The following SYNE1 variants were observed in gnomAD, a reference collection of about 807,000 sequenced individuals.
The protein encoded by SYNE1 is spectrin repeat containing nuclear envelope protein 1.
A neutral mutation model predicts 1,111.0 loss-of-function variants in SYNE1; 616 were observed. The ratio of observed to expected loss-of-function variants is 0.55; its 90% CI spans 0.52 to 0.59. SYNE1 has a LOEUF of 0.59. Among genes scored for constraint, SYNE1 ranks in the 20% least tolerant of loss-of-function variants. The probability of loss-of-function intolerance (pLI) is 0.00; values close to 1 mark genes in which losing one functional copy is unlikely to be tolerated. For synonymous variants in SYNE1, 3,855 were observed against 3,825.8 expected (o/e 1.01, Z -0.28); for missense variants, 10,006 against 10,417.0 (o/e 0.96, Z 1.72).
intron 118 of SYNE1, 77 bp downstream of exon 118, chr6:152,221,349 T>C: frequency 6.5e-7 from 1 of 1,537,054 alleles, no homozygotes; most frequent in South Asian, 1.1e-5. Flanking sequence ...AAATTCAAAC[T>C]GTCATTGTTT....
intron 93 of SYNE1, among the ~76,000 whole-genome samples, chr6:152,300,278 T>C (rs558367236): frequency 9.2e-5 from 14 of 152,318 alleles, no homozygotes; most frequent in African/African-American, 3.4e-4. Context: ...ATGCATGTTA[T>C]AAAGCCATCG....
intron 96 of SYNE1, among the ~76,000 whole-genome samples, chr6:152,282,837 A>G (rs1277924252): frequency 2.6e-5 from 4 of 152,186 alleles, no homozygotes; most frequent in African/African-American, 9.6e-5. Flanking sequence ...CTTTTGCACA[A>G]ATCTAATATA....
chr6:152,446,556 C>T (rs2098594383), intron 29 of SYNE1, among the ~76,000 whole-genome samples: 1 of 152,112 alleles, frequency 6.6e-6, no homozygotes, highest in Admixed American at 6.6e-5. Flanking sequence ...TGAGAAATCT[C>T]TGTGGAGAAT....
chr6:152,392,712 A>T (rs214947), intron 51 of SYNE1, among the ~76,000 whole-genome samples: 1 of 151,928 alleles, frequency 6.6e-6, no homozygotes, highest in East Asian at 1.9e-4. Context: ...AAATAAAAAC[A>T]CCTACTCTAA....
intron 143 of SYNE1, among the ~76,000 whole-genome samples, chr6:152,132,457 T>C (rs1329661294): frequency 6.6e-6 from 1 of 152,246 alleles, no homozygotes; most frequent in African/African-American, 2.4e-5. Context: ...GATTTTGTTA[T>C]TGCTATGTTT....
At chr6:152,635,020 A>C (rs1043958937) in intron 2 of SYNE1, among the ~76,000 whole-genome samples, 1 of 152,198 alleles carries the variant, frequency 6.6e-6, no homozygotes, top group Non-Finnish European at 1.5e-5. Context: ...GGCTTCCTAC[A>C]TCCTGTGACA....
chr6:152,260,102 C>A (rs921650982), intron 101 of SYNE1, among the ~76,000 whole-genome samples: 3 of 152,144 alleles, frequency 2.0e-5, no homozygotes, highest in Middle Eastern at 3.4e-3. Context: ...CTGCAGATGC[C>A]GGACGAATCA....
chr6:152,221,195 T>C (rs1000400472), intron 118 of SYNE1, 149 bp from the exon 119 acceptor site: 12 of 1,106,878 alleles, frequency 1.1e-5, no homozygotes, highest in African/African-American at 9.4e-5. Context: ...TTCATATTCC[T>C]AGTTTCAGGG....
At chr6:152,482,112 G>A (rs115687108) in intron 14 of SYNE1, among the ~76,000 whole-genome samples, 4,607 of 152,184 alleles carry the variant, frequency 0.03, 103 homozygotes, top group Admixed American at 0.036. Flanking sequence ...AAATCTTGCC[G>A]TGGCCATCTG....
chr6:152,473,951 G>A (rs538202159), intron 14 of SYNE1, among the ~76,000 whole-genome samples: 24 of 152,114 alleles, frequency 1.6e-4, no homozygotes, highest in South Asian at 1.0e-3. Context: ...TTTGGGTGGC[G>A]GACACTGGTG....
chr6:152,415,088 G>A (rs2098131554), intron 41 of SYNE1, among the ~76,000 whole-genome samples: 1 of 151,958 alleles, frequency 6.6e-6, no homozygotes, highest in African/African-American at 2.4e-5. Context: ...GAATACCTTG[G>A]CATGAATGCA....
chr6:152,542,239 G>A (rs2099274579), intron 3 of SYNE1, among the ~76,000 whole-genome samples: 1 of 152,122 alleles, frequency 6.6e-6, no homozygotes, highest in South Asian at 2.1e-4. Context: ...GGTTCCCAAT[G>A]CCTGCAAGTA....
chr6:152,491,244 A>G (rs2098968686), intron 11 of SYNE1, among the ~76,000 whole-genome samples: 1 of 150,566 alleles, frequency 6.6e-6, no homozygotes, highest in South Asian at 2.1e-4. Flanking sequence ...CTGCCTGATT[A>G]TTCACCCACA....
chr6:152,271,539 G>A (rs964352713), intron 98 of SYNE1, among the ~76,000 whole-genome samples: 4 of 152,044 alleles, frequency 2.6e-5, no homozygotes, highest in East Asian at 1.9e-4. Context: ...CACCTTCTGC[G>A]GAATTTCTCA....
intron 21 of SYNE1, 42 bp from the exon 22 acceptor site, chr6:152,458,972 A>T (rs752142773): frequency 2.5e-6 from 4 of 1,578,462 alleles, no homozygotes; most frequent in Non-Finnish European, 3.5e-6. Flanking sequence ...AAGACCATTA[A>T]GTGCCACTAG....
intron 46 of SYNE1, 25 bp downstream of exon 46, chr6:152,404,188 C>A: frequency 6.5e-7 from 1 of 1,545,360 alleles, no homozygotes; most frequent in South Asian, 1.1e-5. Flanking sequence ...GGATGGAAGT[C>A]TAGTAGTTAT....
At chr6:152,382,862 C>T (rs574518498) in intron 55 of SYNE1, among the ~76,000 whole-genome samples, 105 of 152,282 alleles carry the variant, frequency 6.9e-4, no homozygotes, top group Non-Finnish European at 1.2e-3. Flanking sequence ...TGAATAAGGA[C>T]ATCATCATTG....
At chr6:152,438,316 C>A (rs1204475253) in intron 32 of SYNE1, among the ~76,000 whole-genome samples, 1 of 151,882 alleles carries the variant, frequency 6.6e-6, no homozygotes, top group African/African-American at 2.4e-5. Context: ...TTTCTCAGAA[C>A]CCAGGAAAAA....
intron 3 of SYNE1, among the ~76,000 whole-genome samples, chr6:152,604,083 G>A (rs1565130894): frequency 6.6e-6 from 1 of 150,798 alleles, no homozygotes; most frequent in Non-Finnish European, 1.5e-5. Flanking sequence ...ATATGTTCTA[G>A]ATATAAAAGA....
Sources: gnomAD v4.1 joint callset for allele counts (sites outside exome capture counted in the v4.1 genomes callset) on GRCh38, gnomAD v4.1.1 for gene constraint, MANE v1.5 for transcripts, NCBI Gene and HGNC (gene_info 2026-07-23, HGNC 2026-07-21) for gene names.